The following THADA variants were observed in gnomAD, a reference collection of about 807,000 sequenced individuals.
THADA encodes THADA armadillo repeat containing.
A neutral mutation model predicts 219.8 loss-of-function variants in THADA; 213 were observed. That is an observed-to-expected ratio of 0.97 (90% CI 0.87 to 1.09). The LOEUF is 1.09. Among genes scored for constraint, THADA ranks in the 50% least tolerant of loss-of-function variants. THADA has a pLI of 0.00. For missense variants in THADA, 2,956 were observed against 2,311.3 expected, an observed-to-expected ratio of 1.28 and a Z score of -5.72; for synonymous variants, 1,018 against 828.9, an observed-to-expected ratio of 1.23 and a Z score of -3.92.
At chr2:43,552,466 A>G in intron 17 of THADA, 127 bp from the exon 18 acceptor site, 12 of 1,034,948 alleles carry the variant, frequency 1.2e-5, no homozygotes, top group Non-Finnish European at 1.6e-5. Flanking sequence ...TTTTTAATCA[A>G]AAAGAGATCT....
chr2:43,332,218 T>C (rs1665874242), intron 30 of THADA, among the ~76,000 whole-genome samples: 1 of 152,244 alleles, frequency 6.6e-6, no homozygotes, highest in Non-Finnish European at 1.5e-5. Context: ...CCCAAGAAGC[T>C]GGGATTACAG....
chr2:43,320,120 C>A (rs1259480063), intron 31 of THADA, among the ~76,000 whole-genome samples: 2 of 152,106 alleles, frequency 1.3e-5, no homozygotes, highest in African/African-American at 4.8e-5. Context: ...AGAATGAACT[C>A]ACAGCTATTC....
chr2:43,574,719 C>T lies in THADA; in HGVS notation c.1346G>A (p.Trp449Ter). The T allele has an allele frequency of 6.2e-7, 1 of 1,614,006 alleles. No homozygotes were observed. Among genetic ancestry groups the T allele is most frequent in the Non-Finnish European group, 8.5e-7 (1 of 1,179,886 alleles). ...GCACGTGTACTTTCCTTTAATATGC[C>T]ATTCCAATCGTAAAAGACTCTCAGT... ...ELTESLLRLE[W>*]HIKGKYTCLG... is the part of the protein sequence containing the mutation. The change falls in exon 11 of 38, where the codon TGG (tryptophan) becomes TAG (stop). Residue 449 changes from tryptophan (W) to a stop codon, truncating the protein, a stop_gained. Coordinates refer to ENST00000405975, the MANE Select transcript of THADA (RefSeq NM_022065.5). LOFTEE classifies it high-confidence loss of function.
At chr2:43,515,119 A>T (rs1258369851) in intron 22 of THADA, among the ~76,000 whole-genome samples, 1 of 7,210 alleles carries the variant, frequency 1.4e-4, no homozygotes, top group East Asian at 0.011. Context: ...TTTTATATAT[A>T]ATATATTTTA....
chr2:43,241,785 T>TTCAC (rs1422938057), intron 36 of THADA, among the ~76,000 whole-genome samples: 1 of 151,940 alleles, frequency 6.6e-6, no homozygotes, highest in Non-Finnish European at 1.5e-5. Flanking sequence ...TCGCGCGCCT[T>TTCAC]TCACGTGCGT....
chr2:43,555,508 T>C (rs2103903240), intron 17 of THADA, among the ~76,000 whole-genome samples: 1 of 152,284 alleles, frequency 6.6e-6, no homozygotes, highest in Non-Finnish European at 1.5e-5. Context: ...ATGTGAAGCA[T>C]GCATTCCCTA....
At chr2:43,447,869 C>T (rs1425866944) in intron 26 of THADA, among the ~76,000 whole-genome samples, 2 of 152,152 alleles carry the variant, frequency 1.3e-5, no homozygotes, top group Non-Finnish European at 2.9e-5. Context: ...ATACCAAAAA[C>T]CACTCTGGTC....
chr2:43,448,562 T>TC (rs1553447400), intron 26 of THADA, among the ~76,000 whole-genome samples: 1 of 134,152 alleles, frequency 7.5e-6, no homozygotes. Flanking sequence ...CTTCCTTTCT[T>TC]TTTTTTTTTT....
intron 24 of THADA, among the ~76,000 whole-genome samples, chr2:43,502,266 T>C (rs952250283): frequency 1.3e-5 from 2 of 152,142 alleles, no homozygotes; most frequent in African/African-American, 2.4e-5. Flanking sequence ...AAGTAAAACT[T>C]GAAAACTTTT....
rs760820113 is a variant in THADA, at chr2:43,592,061, C to CA, written c.77-16dup. On this transcript the variant is annotated splice_polypyrimidine_tract_variant and intron_variant, in intron 2 of 37. Transcript: ENST00000405975. ...ATCAGCAAAAGCTATATAACATATA[C>CA]AAAAAAAAATTTTCAATGATTTAAC... 1.4e-4 allele frequency: 215 copies of CA among 1,506,564 alleles called. No individual in the cohort carries two copies. Among genetic ancestry groups the CA allele is most frequent in the East Asian group, 8.3e-4 (34 of 41,054 alleles). The allele number at this position is 1,506,564 out of a possible 1,614,324, so 93.3% of individuals were successfully genotyped here. A position where few individuals can be genotyped will look rare whatever the true frequency, so the allele number is the denominator to read the frequency against.
intron 26 of THADA, among the ~76,000 whole-genome samples, chr2:43,456,440 A>C (rs1417778243): frequency 1.3e-5 from 2 of 152,228 alleles, no homozygotes; most frequent in African/African-American, 4.8e-5. Context: ...GAGGAAATGC[A>C]AAGTAGAGAA....
chr2:43,427,657 TA>T (rs999597052), intron 28 of THADA, among the ~76,000 whole-genome samples: 25 of 148,776 alleles, frequency 1.7e-4, no homozygotes, highest in African/African-American at 4.2e-4. Flanking sequence ...TTTACATATA[TA>T]AAAAAATATA....
intron 31 of THADA, among the ~76,000 whole-genome samples, chr2:43,312,655 C>G (rs1424477935): frequency 6.6e-6 from 1 of 151,334 alleles, no homozygotes; most frequent in Non-Finnish European, 1.5e-5. Context: ...GCACAAGCAG[C>G]AGTTCAGATG....
At chr2:43,528,850 T>A (rs922704599) in intron 21 of THADA, among the ~76,000 whole-genome samples, 1 of 152,334 alleles carries the variant, frequency 6.6e-6, no homozygotes, top group South Asian at 2.1e-4. Flanking sequence ...TAACCCTTTT[T>A]AAATGTACAA....
rs1263675746 is a variant in THADA at position 43,571,820 on chromosome 2, T to A, written c.1951A>T (p.Ser651Cys). The A allele has an allele frequency of 6.2e-7, 1 of 1,613,806 alleles. No individual in the cohort carries two copies. The highest frequency in any genetic ancestry group is 8.5e-7 in the Non-Finnish European group (1 of 1,179,862). Reference protein sequence around the residue: ...TLGLLCESNRSTEIVSMEEMQ... With the variant: ...TLGLLCESNRCTEIVSMEEMQ... Reference sequence around the variant, plus strand: ...TCTTCCATGGAAACAATTTCTGTGCTCCGATTACTTTCACAAAGCAAGCCT... The same window carrying A: ...TCTTCCATGGAAACAATTTCTGTGCACCGATTACTTTCACAAAGCAAGCCT... Residue 651 changes from serine (S) to cysteine (C), a missense_variant, in exon 13 of 38, where the codon AGC (serine) becomes TGC (cysteine). By Grantham distance (112) the Ser-to-Cys change is moderately radical. Coordinates refer to ENST00000405975, the MANE Select transcript of THADA (RefSeq NM_022065.5).
chr2:43,471,031 T>C (rs779202971), intron 26 of THADA, among the ~76,000 whole-genome samples: 17 of 152,308 alleles, frequency 1.1e-4, no homozygotes, highest in South Asian at 4.1e-4. Flanking sequence ...TTGGAGTCTA[T>C]AGGCCTACTG....
intron 26 of THADA, among the ~76,000 whole-genome samples, chr2:43,442,815 T>G (rs1681018730): frequency 6.6e-6 from 1 of 152,140 alleles, no homozygotes; most frequent in Non-Finnish European, 1.5e-5. Flanking sequence ...TGTCTTCTAG[T>G]TCCATCAACA....
At chr2:43,441,240 T>C (rs922275600) in intron 26 of THADA, among the ~76,000 whole-genome samples, 3 of 152,180 alleles carry the variant, frequency 2.0e-5, no homozygotes, top group Admixed American at 6.5e-5. Context: ...CCTTCTAACA[T>C]TCTTAGGTTC....
intron 31 of THADA, among the ~76,000 whole-genome samples, chr2:43,299,164 A>G (rs1675951533): frequency 1.3e-5 from 2 of 150,084 alleles, no homozygotes; most frequent in East Asian, 1.9e-4. Flanking sequence ...AAGATGTCTC[A>G]TTATATATGC....
Sources: allele counts gnomAD v4.1 joint callset (sites outside exome capture counted in the v4.1 genomes callset), GRCh38; gene constraint gnomAD v4.1.1; transcripts MANE v1.5; gene names NCBI Gene and HGNC (gene_info 2026-07-23, HGNC 2026-07-21).